The following SORCS1 variants were observed in gnomAD, a reference collection of about 807,000 sequenced individuals.
The protein encoded by SORCS1 is VPS10 domain-containing receptor SorCS1.
SORCS1 carries 60 observed loss-of-function variants against 146.1 expected under a neutral mutation model. The ratio of observed to expected loss-of-function variants is 0.41; its 90% confidence interval spans 0.33 to 0.51. The LOEUF (loss-of-function observed/expected upper bound fraction) is 0.51, where lower values mean the gene tolerates loss of function less well. Among genes scored for constraint, SORCS1 ranks in the 20% least tolerant of loss-of-function variants. SORCS1 has a pLI of 0.21. For missense variants in SORCS1, 1,352 were observed against 1,487.6 expected (o/e 0.91, Z 1.50); for synonymous variants, 637 against 584.0 (o/e 1.09, Z -1.31).
chr10:106,680,386 G>T (rs1852347304), intron 10 of SORCS1, among the ~76,000 whole-genome samples: 1 of 152,192 alleles, frequency 6.6e-6, no homozygotes, highest in South Asian at 2.1e-4. Flanking sequence ...GCATCTCTTA[G>T]TCATTCTCCA....
chr10:107,031,926 C>A lies in SORCS1; in HGVS notation c.559-75346G>T, dbSNP rs538361605. On this transcript the variant is annotated intron_variant, in intron 1 of 25. Transcript: ENST00000263054. ...GTTTCTGCTTTCCAAAGCCAGAAAT[C>A]TGGACTAACACTGACATGTTATTCT... Among the ~76,000 whole-genome samples the A allele has an allele frequency of 9.8e-5, 15 of 152,310 alleles. No individual in the cohort carries two copies. In the South Asian group the frequency reaches 3.1e-3, roughly 32 times the overall value.
Position 107,117,792 on chromosome 10 carries a change from T to A in SORCS1, c.558+46177A>T, listed in dbSNP as rs376124135. ...CACACAATTGTATTTTGGAAGCACA[T>A]AATATGTTTTGTTTCAAAGGTTCAC... On this transcript the variant is annotated intron_variant, in intron 1 of 25. Coordinates refer to ENST00000263054, the MANE Select transcript of SORCS1 (RefSeq NM_052918.5). Among the ~76,000 whole-genome samples, 226 of 152,266 alleles carry A rather than the reference T, an allele frequency of 1.5e-3. 2 individuals are homozygous for A. Among genetic ancestry groups the A allele is most frequent in the African/African-American group, 5.2e-3 (215 of 41,562 alleles).
At chr10:107,011,595 G>C (rs541281967) in intron 1 of SORCS1, among the ~76,000 whole-genome samples, 2 of 152,314 alleles carry the variant, frequency 1.3e-5, no homozygotes, top group African/African-American at 4.8e-5. Flanking sequence ...ACTCCTTGCA[G>C]AATTCCAATG....
intron 5 of SORCS1, among the ~76,000 whole-genome samples, chr10:106,748,879 TAGA>T (rs1252104740): frequency 6.6e-6 from 1 of 152,174 alleles, no homozygotes; most frequent in Non-Finnish European, 1.5e-5. Context: ...TTTCAGGATA[TAGA>T]AAGGGGAAGC....
At chr10:106,667,912 C>T in intron 16 of SORCS1, 110 bp from the exon 17 acceptor site, 2 of 494,362 alleles carry the variant, frequency 4.0e-6, no homozygotes, top group Non-Finnish European at 3.3e-6. Context: ...TCATAACAAA[C>T]AAAAATAAAA....
chr10:106,853,651 A>G (rs1050941388), intron 2 of SORCS1, among the ~76,000 whole-genome samples: 1 of 151,902 alleles, frequency 6.6e-6, no homozygotes, highest in Non-Finnish European at 1.5e-5. Flanking sequence ...AACTTTAATT[A>G]ATTTTATTTT....
Position 106,598,736 on chromosome 10 carries a change from G to T in SORCS1, c.3166-1286C>A, listed in dbSNP as rs528881733. ...TTTGTTGAGTTTTATTTCCTTCAGT[G>T]AGTTGCCAAAATAACGCCTTTAATC... On this transcript the variant is annotated intron_variant, in intron 23 of 25. Transcript: ENST00000263054. Among the ~76,000 whole-genome samples the T allele has an allele frequency of 2.0e-5, 3 of 150,978 alleles. No individual in the cohort carries two copies. The South Asian group carries it at 6.3e-4, about 32-fold the overall frequency.
chr10:107,126,052 A>AC (rs931212321), intron 1 of SORCS1, among the ~76,000 whole-genome samples: 106 of 152,176 alleles, frequency 7.0e-4, no homozygotes, highest in African/African-American at 2.5e-3. Flanking sequence ...ATTTAAGGTC[A>AC]ATTTATCTCT....
chr10:106,803,928 G>A (rs910596991), intron 3 of SORCS1, among the ~76,000 whole-genome samples: 1 of 152,160 alleles, frequency 6.6e-6, no homozygotes, highest in Admixed American at 6.5e-5. Flanking sequence ...GATGACTCAT[G>A]TGAACAAAAG....
Position 106,628,504 on chromosome 10 carries a change from G to A in SORCS1, c.2662+698C>T, listed in dbSNP as rs563886250. ...CTGGGAAACCCCTTACACCTAACAT[G>A]TTAATGACACATGTTTTAAGCACAC... On this transcript the variant is annotated intron_variant, in intron 19 of 25. Transcript: ENST00000263054. 1.4e-3 allele frequency among the ~76,000 whole-genome samples: 208 copies of A among 152,270 alleles called. 1 individual carries two copies. Among genetic ancestry groups the A allele is most frequent in the African/African-American group, 4.0e-3 (165 of 41,550 alleles).
intron 1 of SORCS1, among the ~76,000 whole-genome samples, chr10:106,975,993 C>T (rs1360266375): frequency 6.6e-6 from 1 of 151,938 alleles, no homozygotes; most frequent in Non-Finnish European, 1.5e-5. Flanking sequence ...ACTAACAATA[C>T]AAAAATTGGC....
chr10:106,893,363 TAAC>T (rs1205244360), intron 2 of SORCS1, among the ~76,000 whole-genome samples: 4 of 152,246 alleles, frequency 2.6e-5, no homozygotes, highest in African/African-American at 9.6e-5. Flanking sequence ...TCAGATTTTA[TAAC>T]AACACATACA....
rs1249786062 is a variant in SORCS1 at position 106,617,410 on chromosome 10, A to AT, written c.2920+738dup. 2.0e-4 allele frequency among the ~76,000 whole-genome samples: 30 copies of AT among 152,208 alleles called. No individual in the cohort carries two copies. In the East Asian group the frequency reaches 5.6e-3, roughly 28 times the overall value. On this transcript the variant is annotated intron_variant, in intron 21 of 25. Transcript: ENST00000263054. ...TACCATTTCCATATTAATAATAAAC[A>AT]TTTTTGCCATGTACTAGTAACACTT...
chr10:106,984,394 ATTT>A (rs34494927), intron 1 of SORCS1, among the ~76,000 whole-genome samples: 5 of 134,058 alleles, frequency 3.7e-5, no homozygotes, highest in Non-Finnish European at 3.2e-5. Flanking sequence ...AGTGATTTCC[ATTT>A]TTTTTTTTTT....
chr10:106,623,431 A>G (rs1159754795), intron 19 of SORCS1, among the ~76,000 whole-genome samples: 7 of 151,926 alleles, frequency 4.6e-5, no homozygotes, highest in Non-Finnish European at 8.8e-5. Context: ...TTTTTAGTAG[A>G]GACAGGGTTT....
intron 6 of SORCS1, among the ~76,000 whole-genome samples, chr10:106,723,557 T>A (rs576995995): frequency 1.3e-5 from 2 of 152,218 alleles, no homozygotes; most frequent in Non-Finnish European, 2.9e-5. Context: ...CGTGATTGAT[T>A]GTAGTTGAGC....
At chr10:107,173,600 T>C in the SORCS1 span, among the ~76,000 whole-genome samples, 1 of 152,222 alleles carries the variant, frequency 6.6e-6, no homozygotes, top group Admixed American at 6.5e-5. Context: ...TTATGGCTAA[T>C]GCTTTTTATT....
rs150736159 is a variant in SORCS1, at chr10:107,015,311, AT to A, written c.559-58732del. Among the ~76,000 whole-genome samples, 815 of 152,310 alleles carry A rather than the reference AT, an allele frequency of 5.4e-3. 12 individuals are homozygous for A. Among genetic ancestry groups the A allele is most frequent in the African/African-American group, 0.018 (767 of 41,560 alleles). The stretch of plus-strand genomic sequence containing the variant: ...TTACTCAGTAAGTACATTGTATGGT[AT>A]GTCAGAAGGTGACTTGTGTTATTGC... On this transcript the variant is annotated intron_variant, in intron 1 of 25. Transcript: ENST00000263054.
chr10:106,950,217 TAATGTG>T (rs1954602064), intron 2 of SORCS1, among the ~76,000 whole-genome samples: 1 of 152,186 alleles, frequency 6.6e-6, no homozygotes, highest in Non-Finnish European at 1.5e-5. Flanking sequence ...GCTCCAAGAT[TAATGTG>T]TAATCAATGA....
Sources: gnomAD v4.1 joint callset for allele counts (sites outside exome capture counted in the v4.1 genomes callset) on GRCh38, gnomAD v4.1.1 for gene constraint, MANE v1.5 for transcripts, NCBI Gene and HGNC (gene_info 2026-07-23, HGNC 2026-07-21) for gene names.